The following ZNF804B variants were observed in gnomAD, a reference collection of about 807,000 sequenced individuals.
ZNF804B encodes the protein zinc finger protein 804B.
In ZNF804B, 80 loss-of-function variants were observed where a neutral mutation model predicts 101.4. The ratio of observed to expected loss-of-function variants is 0.79; its 90% CI spans 0.66 to 0.95. The LOEUF is 0.95. ZNF804B is among the 40% of genes least tolerant of loss of function. The pLI is 0.00. For missense variants in ZNF804B, 1,673 were observed against 1,561.9 expected (o/e 1.07, Z -1.20); for synonymous variants, 622 against 558.8 (o/e 1.11, Z -1.59).
chr7:88,944,353 G>A (rs1793095796), intron 1 of ZNF804B, among the ~76,000 whole-genome samples: 1 of 151,758 alleles, frequency 6.6e-6, no homozygotes, highest in South Asian at 2.1e-4. Flanking sequence ...AATGACTAAT[G>A]ATACTGAATA....
At chr7:89,233,606 G>T (rs1316467348) in intron 2 of ZNF804B, among the ~76,000 whole-genome samples, 1 of 151,988 alleles carries the variant, frequency 6.6e-6, no homozygotes, top group African/African-American at 2.4e-5. Context: ...GGGTAGGCTG[G>T]AGGAACACTG....
Position 88,965,646 on chromosome 7 carries a change from A to G in ZNF804B, c.108+205562A>G, listed in dbSNP as rs868442005. Among the ~76,000 whole-genome samples the G allele has an allele frequency of 4.6e-5, 7 of 151,620 alleles. 1 individual carries two copies. In the South Asian group the frequency reaches 1.5e-3, roughly 31 times the overall value. On this transcript the variant is annotated intron_variant, in intron 1 of 3. Coordinates refer to ENST00000333190, the MANE Select transcript of ZNF804B (RefSeq NM_181646.5). ...GGAGCATTTGAAAGAAATGCCAATCATGTAAATTGAATTCTAAGAGCACTC... is the reference window on the plus strand; with the variant it reads ...GGAGCATTTGAAAGAAATGCCAATCGTGTAAATTGAATTCTAAGAGCACTC...
intron 1 of ZNF804B, among the ~76,000 whole-genome samples, chr7:89,129,300 A>C (rs1285985622): frequency 6.6e-6 from 1 of 152,084 alleles, no homozygotes; most frequent in Non-Finnish European, 1.5e-5. Context: ...TTGTTAGATG[A>C]GAATAATATA....
intron 1 of ZNF804B, among the ~76,000 whole-genome samples, chr7:89,066,903 G>A (rs903009266): frequency 6.6e-6 from 1 of 151,362 alleles, no homozygotes; most frequent in African/African-American, 2.4e-5. Context: ...TTCTTATTCT[G>A]GTTTATGTGA....
intron 2 of ZNF804B, among the ~76,000 whole-genome samples, chr7:89,229,088 C>G (rs377237283): frequency 6.6e-6 from 1 of 152,202 alleles, no homozygotes. Flanking sequence ...CGCACAGACC[C>G]GGTTCCCGCC....
At chr7:89,029,879 T>C (rs1453143454) in intron 1 of ZNF804B, among the ~76,000 whole-genome samples, 1 of 152,166 alleles carries the variant, frequency 6.6e-6, no homozygotes, top group Non-Finnish European at 1.5e-5. Flanking sequence ...ATTCTGATAT[T>C]TGTCTACTTA....
At chr7:88,810,668 T>A (rs1402849995) in intron 1 of ZNF804B, among the ~76,000 whole-genome samples, 7 of 145,942 alleles carry the variant, frequency 4.8e-5, no homozygotes, top group Admixed American at 1.4e-4. Flanking sequence ...GTCTCACATT[T>A]AAAAAAAAAA....
At chr7:89,160,937 T>A (rs893634587) in intron 1 of ZNF804B, among the ~76,000 whole-genome samples, 2 of 152,184 alleles carry the variant, frequency 1.3e-5, no homozygotes, top group Non-Finnish European at 2.9e-5. Flanking sequence ...AAAACTAGAA[T>A]TCAGATATTT....
At chr7:89,009,054 T>C (rs914965028) in intron 1 of ZNF804B, among the ~76,000 whole-genome samples, 1 of 152,180 alleles carries the variant, frequency 6.6e-6, no homozygotes, top group African/African-American at 2.4e-5. Flanking sequence ...CTTGCCCATT[T>C]TATCATTAAA....
At chr7:89,323,921 C>T (rs1214440622) in intron 2 of ZNF804B, among the ~76,000 whole-genome samples, 1 of 151,994 alleles carries the variant, frequency 6.6e-6, no homozygotes, top group South Asian at 2.1e-4. Context: ...ATTGTATGTG[C>T]CATGGCTGAA....
intron 1 of ZNF804B, among the ~76,000 whole-genome samples, chr7:89,020,881 A>G (rs34924511): frequency 0.011 from 1,712 of 152,194 alleles, 14 homozygotes; most frequent in Middle Eastern, 0.017. Flanking sequence ...CCCTGACTTC[A>G]TTTAATTATC....
intron 1 of ZNF804B, among the ~76,000 whole-genome samples, chr7:88,885,576 C>T (rs1238916740): frequency 2.0e-5 from 3 of 150,042 alleles, no homozygotes; most frequent in African/African-American, 7.4e-5. Context: ...TGCAGATGTA[C>T]AAAGAACAAC....
chr7:89,201,467 A>T (rs1187296911), intron 1 of ZNF804B, among the ~76,000 whole-genome samples: 12 of 152,038 alleles, frequency 7.9e-5, no homozygotes, highest in Admixed American at 7.9e-4. Context: ...ATTACCTATT[A>T]GATATATTGT....
At chr7:89,016,234 T>C (rs200025548) in intron 1 of ZNF804B, among the ~76,000 whole-genome samples, 15,098 of 152,254 alleles carry the variant, frequency 0.099, 812 homozygotes, top group Non-Finnish European at 0.11. Context: ...ATTCTGGATA[T>C]TAGCGCTTTG....
chr7:89,227,065 T>C (rs1789100459), intron 2 of ZNF804B, among the ~76,000 whole-genome samples: 1 of 152,170 alleles, frequency 6.6e-6, no homozygotes, highest in Non-Finnish European at 1.5e-5. Context: ...TTTTCACCAT[T>C]ATTTTGTAAA....
intron 1 of ZNF804B, among the ~76,000 whole-genome samples, chr7:88,915,951 A>G (rs1792627464): frequency 6.6e-6 from 1 of 152,004 alleles, no homozygotes; most frequent in Non-Finnish European, 1.5e-5. Flanking sequence ...ATTAATGAAA[A>G]TAATTCAAAT....
chr7:88,919,176 G>T (rs1792682481), intron 1 of ZNF804B, among the ~76,000 whole-genome samples: 2 of 152,056 alleles, frequency 1.3e-5, no homozygotes, highest in Admixed American at 6.6e-5. Context: ...CCTACTTGGG[G>T]TGTCTTGGAT....
chr7:88,877,060 T>TGAAAAAAAAAATATATATA (rs1791964185), intron 1 of ZNF804B, among the ~76,000 whole-genome samples: 2 of 68,240 alleles, frequency 2.9e-5, no homozygotes, highest in East Asian at 3.8e-4. Flanking sequence ...TTTTTTTTTT[T>TGAAAAAAAAAATATATATA]TTTTTTTTTT....
intron 1 of ZNF804B, among the ~76,000 whole-genome samples, chr7:88,892,645 A>C (rs186383700): frequency 3.3e-5 from 5 of 152,234 alleles, no homozygotes; most frequent in African/African-American, 9.6e-5. Flanking sequence ...TCATTAATCA[A>C]TTCTGGAAAA....
Sources: allele counts gnomAD v4.1 joint callset (sites outside exome capture counted in the v4.1 genomes callset), GRCh38; gene constraint gnomAD v4.1.1; transcripts MANE v1.5; gene names NCBI Gene and HGNC (gene_info 2026-07-23, HGNC 2026-07-21).